The following AGBL1 variants were observed in gnomAD, a reference collection of about 807,000 sequenced individuals.
AGBL1 encodes AGBL carboxypeptidase 1.
Under a neutral mutation model 118.9 loss-of-function variants are expected in AGBL1, and 130 were observed. The observed-to-expected ratio is 1.09, with a 90% CI of 0.95 to 1.26. The LOEUF is 1.26. Ranked by LOEUF, AGBL1 falls within the 50% of genes most tolerant of loss-of-function variation. The pLI is 0.00. For synonymous variants in AGBL1, 555 were observed against 478.9 expected (o/e 1.16, Z -2.08); for missense variants, 1,584 against 1,298.1 (o/e 1.22, Z -3.38).
intron 21 of AGBL1, among the ~76,000 whole-genome samples, chr15:86,557,397 G>A (rs549672517): frequency 1.6e-4 from 25 of 152,184 alleles, no homozygotes; most frequent in Non-Finnish European, 3.1e-4. Context: ...GGGGTTGCTG[G>A]TAGCTTAGGA....
chr15:87,018,905 G>A, intron 24 of AGBL1, among the ~76,000 whole-genome samples: 2 of 151,966 alleles, frequency 1.3e-5, no homozygotes, highest in East Asian at 3.9e-4. Flanking sequence ...GAAACACATA[G>A]TCTCAAAATA....
chr15:86,316,545 T>C (rs2080013458), intron 17 of AGBL1, among the ~76,000 whole-genome samples: 1 of 152,124 alleles, frequency 6.6e-6, no homozygotes, highest in Non-Finnish European at 1.5e-5. Context: ...AGGTCAGTCA[T>C]TGTGGAGGTG....
At chr15:86,526,725 G>A (rs1328315147) in intron 19 of AGBL1, among the ~76,000 whole-genome samples, 6 of 151,686 alleles carry the variant, frequency 4.0e-5, no homozygotes, top group Admixed American at 3.9e-4. Context: ...AACTTGAATG[G>A]AACTGGAGGC....
At chr15:86,445,103 T>C (rs906647187) in intron 18 of AGBL1, among the ~76,000 whole-genome samples, 7 of 152,154 alleles carry the variant, frequency 4.6e-5, no homozygotes, top group African/African-American at 2.4e-5. Flanking sequence ...CTGCTTCACA[T>C]GGGAATGGAT....
At chr15:86,083,852 A>C (rs551958844) in intron 1 of AGBL1, 1 of 152,368 alleles carries the variant, frequency 6.6e-6, no homozygotes, top group African/African-American at 2.4e-5. Context: ...GGGAACATCC[A>C]ACTATTGTAT....
At chr15:86,647,231 A>C (rs778003617) in intron 21 of AGBL1, among the ~76,000 whole-genome samples, 1 of 152,162 alleles carries the variant, frequency 6.6e-6, no homozygotes, top group Non-Finnish European at 1.5e-5. Flanking sequence ...ATCCAAGATA[A>C]TTTGTAAAGT....
intron 17 of AGBL1, among the ~76,000 whole-genome samples, chr15:86,388,624 C>A (rs1567231353): frequency 6.6e-6 from 1 of 152,144 alleles, no homozygotes; most frequent in Non-Finnish European, 1.5e-5. Context: ...CATGGTACTT[C>A]TTCCCTCACT....
intron 18 of AGBL1, among the ~76,000 whole-genome samples, chr15:86,503,010 C>T (rs2142163242): frequency 6.6e-6 from 1 of 151,560 alleles, no homozygotes; most frequent in Non-Finnish European, 1.5e-5. Flanking sequence ...TCCTTAAACG[C>T]TTGGTAGAAT....
chr15:86,725,732 T>A (rs1240643083), intron 22 of AGBL1, among the ~76,000 whole-genome samples: 1 of 152,190 alleles, frequency 6.6e-6, no homozygotes, highest in Non-Finnish European at 1.5e-5. Flanking sequence ...GGTGACATTG[T>A]GAGTTGTGTT....
chr15:86,732,429 C>A (rs998602431), intron 22 of AGBL1, among the ~76,000 whole-genome samples: 1 of 152,088 alleles, frequency 6.6e-6, no homozygotes, highest in Non-Finnish European at 1.5e-5. Flanking sequence ...GCCTTTTTTT[C>A]TCATCCTTGT....
At chr15:86,401,657 C>A (rs2081447312) in intron 18 of AGBL1, among the ~76,000 whole-genome samples, 1 of 152,102 alleles carries the variant, frequency 6.6e-6, no homozygotes, top group Non-Finnish European at 1.5e-5. Context: ...TAGTTTCCTT[C>A]TTCTACATGT....
intron 18 of AGBL1, among the ~76,000 whole-genome samples, chr15:86,438,280 A>C (rs1015582596): frequency 6.6e-6 from 1 of 152,208 alleles, no homozygotes; most frequent in Admixed American, 6.5e-5. Context: ...ACTAGGTAAG[A>C]GAGATCTGAC....
chr15:86,593,337 C>A (rs1332785073), intron 21 of AGBL1, among the ~76,000 whole-genome samples: 1 of 149,848 alleles, frequency 6.7e-6, no homozygotes, highest in Non-Finnish European at 1.5e-5. Flanking sequence ...AAACCAAGAT[C>A]TGTGGATCTG....
At chr15:86,275,549 T>C (rs1278784149) in intron 15 of AGBL1, among the ~76,000 whole-genome samples, 1 of 152,226 alleles carries the variant, frequency 6.6e-6, no homozygotes, top group African/African-American at 2.4e-5. Flanking sequence ...ACAATGACTT[T>C]CCAGCATATT....
intron 24 of AGBL1, among the ~76,000 whole-genome samples, chr15:86,999,428 G>A (rs1196403715): frequency 6.8e-6 from 1 of 146,414 alleles, no homozygotes; most frequent in African/African-American, 2.6e-5. Context: ...GTGTCCATGT[G>A]ATCTCACTGT....
intron 22 of AGBL1, among the ~76,000 whole-genome samples, chr15:86,723,753 T>A (rs2086773317): frequency 6.6e-6 from 1 of 150,940 alleles, no homozygotes; most frequent in Non-Finnish European, 1.5e-5. Context: ...AAAATGTAAA[T>A]GAAAATTTGT....
intron 17 of AGBL1, among the ~76,000 whole-genome samples, chr15:86,314,372 G>T (rs2079966422): frequency 6.6e-6 from 1 of 152,198 alleles, no homozygotes; most frequent in Non-Finnish European, 1.5e-5. Flanking sequence ...GGTCTATGCT[G>T]GGGGAGTCAA....
At chr15:86,172,905 G>GT (rs921156700) in intron 5 of AGBL1, among the ~76,000 whole-genome samples, 17 of 151,566 alleles carry the variant, frequency 1.1e-4, no homozygotes, top group South Asian at 6.3e-4. Flanking sequence ...CCTATTTTTA[G>GT]TTTTTTTTCA....
intron 22 of AGBL1, among the ~76,000 whole-genome samples, chr15:86,785,677 C>T (rs553435440): frequency 2.1e-4 from 32 of 152,034 alleles, no homozygotes; most frequent in East Asian, 1.2e-3. Context: ...CCGAGATGTG[C>T]GTGTTTTAAA....
Sources: gnomAD v4.1 joint callset for allele counts (sites outside exome capture counted in the v4.1 genomes callset) on GRCh38, gnomAD v4.1.1 for gene constraint, MANE v1.5 for transcripts, NCBI Gene and HGNC (gene_info 2026-07-23, HGNC 2026-07-21) for gene names.